MTHFD1L: variants seen among roughly 807,000 people sequenced by gnomAD.
The protein encoded by MTHFD1L is monofunctional C1-tetrahydrofolate synthase, mitochondrial.
In MTHFD1L, 81 loss-of-function variants were observed where a neutral mutation model predicts 119.5. The ratio of observed to expected loss-of-function variants is 0.68; its 90% CI spans 0.57 to 0.82. MTHFD1L has a LOEUF of 0.82. Among genes scored for constraint, MTHFD1L ranks in the 40% least tolerant of loss-of-function variants. The probability of loss-of-function intolerance (pLI) is 0.00; values close to 1 mark genes in which losing one functional copy is unlikely to be tolerated. For synonymous variants in MTHFD1L, 430 were observed against 475.2 expected, an observed-to-expected ratio of 0.90 and a Z score of 1.24; for missense variants, 1,125 against 1,253.4, an observed-to-expected ratio of 0.90 and a Z score of 1.55.
intron 7 of MTHFD1L, among the ~76,000 whole-genome samples, chr6:150,897,706 A>G (rs1784469879): frequency 6.6e-6 from 1 of 152,242 alleles, no homozygotes; most frequent in Non-Finnish European, 1.5e-5. Context: ...CCCACAAAGA[A>G]CAGGCAGGAA....
intron 26 of MTHFD1L, among the ~76,000 whole-genome samples, chr6:151,086,914 A>G (rs1793858689): frequency 6.6e-6 from 1 of 152,122 alleles, no homozygotes. Context: ...AAAGACTTGA[A>G]TTTTTTTAGT....
At chr6:150,988,042 A>G (rs1778548567) in intron 20 of MTHFD1L, among the ~76,000 whole-genome samples, 1 of 152,140 alleles carries the variant, frequency 6.6e-6, no homozygotes, top group Non-Finnish European at 1.5e-5. Flanking sequence ...CCTGCTTATG[A>G]TTTATATATA....
At chr6:151,040,101 G>A (rs184294634) in intron 26 of MTHFD1L, among the ~76,000 whole-genome samples, 9 of 152,272 alleles carry the variant, frequency 5.9e-5, no homozygotes, top group African/African-American at 9.6e-5. Flanking sequence ...GAGGGGTGAC[G>A]GAGGTGCCCA....
chr6:151,036,046 A>G (rs1047551882), intron 25 of MTHFD1L, among the ~76,000 whole-genome samples: 5 of 152,210 alleles, frequency 3.3e-5, no homozygotes, highest in African/African-American at 1.2e-4. Context: ...AAGATCTTCC[A>G]AATAGTTTTA....
chr6:150,986,759 C>T (rs145418892), intron 20 of MTHFD1L, among the ~76,000 whole-genome samples: 4,200 of 152,248 alleles, frequency 0.028, 205 homozygotes, highest in Admixed American at 0.14. Flanking sequence ...GGCTGAAGTG[C>T]AGTGGCACAA....
At chr6:150,928,087 G>GA (rs1315312614) in intron 11 of MTHFD1L, among the ~76,000 whole-genome samples, 1 of 151,930 alleles carries the variant, frequency 6.6e-6, no homozygotes, top group African/African-American at 2.4e-5. Flanking sequence ...ATCTCCTTAG[G>GA]AAAAATCCCC....
At chr6:151,079,070 C>T (rs896237898) in intron 26 of MTHFD1L, among the ~76,000 whole-genome samples, 5 of 152,060 alleles carry the variant, frequency 3.3e-5, no homozygotes, top group Middle Eastern at 3.2e-3. Flanking sequence ...TGATTGACAG[C>T]GCCCTAGCAA....
At chr6:151,012,526 G>C (rs1355011620) in intron 21 of MTHFD1L, among the ~76,000 whole-genome samples, 3 of 151,414 alleles carry the variant, frequency 2.0e-5, no homozygotes, top group Non-Finnish European at 4.4e-5. Flanking sequence ...CCTTGAATTT[G>C]CCCATTTTAA....
chr6:151,092,631 A>T, intron 27 of MTHFD1L, 44 bp downstream of exon 27: 1 of 1,224,760 alleles, frequency 8.2e-7, no homozygotes, highest in Non-Finnish European at 1.2e-6. Context: ...GTTTTTTTCC[A>T]GTTCATATCC....
chr6:150,882,231 G>C (rs141476340), intron 4 of MTHFD1L, among the ~76,000 whole-genome samples: 86 of 152,320 alleles, frequency 5.6e-4, no homozygotes, highest in Admixed American at 1.5e-3. Context: ...AAGGCTTCTT[G>C]TGTGTCATTG....
intron 26 of MTHFD1L, chr6:151,042,060 A>G (rs1198721761): frequency 2.9e-6 from 1 of 344,826 alleles, no homozygotes; most frequent in Non-Finnish European, 5.8e-6. Flanking sequence ...AAATACTATT[A>G]ACTGGTGTAA....
intron 20 of MTHFD1L, among the ~76,000 whole-genome samples, chr6:150,992,394 T>C (rs1375254945): frequency 6.6e-6 from 1 of 152,180 alleles, no homozygotes; most frequent in African/African-American, 2.4e-5. Flanking sequence ...TCTGAAAACC[T>C]GATCTGCATA....
chr6:150,935,622 AAATAG>A, intron 11 of MTHFD1L: 1 of 1,289,660 alleles, frequency 7.8e-7, no homozygotes, highest in Non-Finnish European at 1.1e-6. Context: ...TGATTTTGAC[AAATAG>A]AAGAGTGTCT....
At chr6:150,867,719 T>C (rs551258814) in intron 1 of MTHFD1L, among the ~76,000 whole-genome samples, 1 of 151,990 alleles carries the variant, frequency 6.6e-6, no homozygotes, top group Non-Finnish European at 1.5e-5. Context: ...CAGCATGTAA[T>C]AAGCACTTGT....
At chr6:151,098,307 A>G (rs1355418206) in intron 27 of MTHFD1L, among the ~76,000 whole-genome samples, 1 of 152,178 alleles carries the variant, frequency 6.6e-6, no homozygotes, top group Non-Finnish European at 1.5e-5. Context: ...TTCAGTCCCA[A>G]GTCACAAACC....
chr6:150,965,391 C>G (rs1771802), intron 19 of MTHFD1L, among the ~76,000 whole-genome samples: 10 of 152,002 alleles, frequency 6.6e-5, no homozygotes, highest in African/African-American at 2.4e-4. Flanking sequence ...CCAGGCGCGG[C>G]GGCTCATGCC....
chr6:151,031,759 CCTT>C (rs1785370436), intron 24 of MTHFD1L, among the ~76,000 whole-genome samples: 1 of 152,172 alleles, frequency 6.6e-6, no homozygotes, highest in Admixed American at 6.5e-5. Context: ...TTTAAGAAAT[CCTT>C]CTCTACTTCA....
At chr6:150,907,619 C>A (rs1046186191) in intron 8 of MTHFD1L, among the ~76,000 whole-genome samples, 2 of 152,106 alleles carry the variant, frequency 1.3e-5, no homozygotes, top group African/African-American at 4.8e-5. Flanking sequence ...TGCTGCCCAG[C>A]GCCTCAAGAC....
In MTHFD1L at chr6:151,039,480, CT is replaced by C. The variant is rs749555554; in HGVS notation, c.2847+2364del. 3.3e-4 allele frequency among the ~76,000 whole-genome samples: 51 copies of C among 152,242 alleles called. No individual in the cohort carries two copies. The highest frequency in any genetic ancestry group is 6.2e-4 in the Non-Finnish European group (42 of 67,998). On this transcript the variant is annotated intron_variant, in intron 26 of 27. Transcript: ENST00000367321. This position sits in a 1 kb window ranked among gnomAD's most constrained non-coding sequence, Gnocchi z 4.4. ...TGTTGCCCAGGCTGGACTCAAACTC[CT>C]GGGCTCAAGCAATCCTCCCACCTCA...
Sources: gnomAD v4.1 joint callset for allele counts (sites outside exome capture counted in the v4.1 genomes callset) on GRCh38, gnomAD v4.1.1 for gene constraint, Gnocchi (gnomAD v3.1) non-coding constraint, MANE v1.5 for transcripts, NCBI Gene and HGNC (gene_info 2026-07-23, HGNC 2026-07-21) for gene names.